Variants in CYTH1 observed in about 807,000 individuals in gnomAD.
CYTH1 encodes cytohesin-1.
A neutral mutation model predicts 61.8 loss-of-function variants in CYTH1; 18 were observed. The ratio of observed to expected loss-of-function variants is 0.29; its 90% CI spans 0.20 to 0.43. CYTH1 has a LOEUF of 0.43. Ranked by LOEUF, CYTH1 falls within the 20% of genes least tolerant of loss-of-function variation. The probability of loss-of-function intolerance (pLI) is 1.00; values close to 1 mark genes in which losing one functional copy is unlikely to be tolerated. For missense variants in CYTH1, 336 were observed against 510.5 expected, an observed-to-expected ratio of 0.66 and a Z score of 3.29; for synonymous variants, 174 against 184.3, an observed-to-expected ratio of 0.94 and a Z score of 0.45.
chr17:78,777,440 ATAAAT>A (rs1288028161), intron 1 of CYTH1, among the ~76,000 whole-genome samples: 1 of 152,142 alleles, frequency 6.6e-6, no homozygotes, highest in East Asian at 1.9e-4. Context: ...ATAAAAATAA[ATAAAT>A]TAAATAAATA....
intron 1 of CYTH1, among the ~76,000 whole-genome samples, chr17:78,761,673 G>A (rs1024641522): frequency 6.6e-6 from 1 of 152,154 alleles, no homozygotes; most frequent in Non-Finnish European, 1.5e-5. Context: ...GGGAGGCGGA[G>A]CTTGCAGTGA....
At chr17:78,748,851 C>G (rs760391263) in intron 1 of CYTH1, among the ~76,000 whole-genome samples, 1 of 152,152 alleles carries the variant, frequency 6.6e-6, no homozygotes, top group African/African-American at 2.4e-5. Context: ...TATATCACCC[C>G]TTCCTTGCAA....
intron 1 of CYTH1, among the ~76,000 whole-genome samples, chr17:78,740,986 A>C (rs957234806): frequency 4.6e-5 from 7 of 152,380 alleles, no homozygotes; most frequent in African/African-American, 1.7e-4. Flanking sequence ...GCCTCAGAGC[A>C]GTGTCTGAAC....
At chr17:78,708,122 C>G (rs371116998) in intron 3 of CYTH1, 75 bp downstream of exon 3, 2 of 1,459,162 alleles carry the variant, frequency 1.4e-6, no homozygotes, top group Middle Eastern at 1.7e-4. Flanking sequence ...CAATGTGCCA[C>G]GTAAGCATAA....
At chr17:78,764,497 T>C (rs2093440676) in intron 1 of CYTH1, among the ~76,000 whole-genome samples, 1 of 152,144 alleles carries the variant, frequency 6.6e-6, no homozygotes, top group Non-Finnish European at 1.5e-5. Flanking sequence ...CTGAAATCTC[T>C]GAATGCATAA....
intron 1 of CYTH1, among the ~76,000 whole-genome samples, chr17:78,769,021 C>T (rs1041804629): frequency 5.3e-5 from 8 of 151,924 alleles, no homozygotes; most frequent in African/African-American, 1.9e-4. Context: ...TGGCACATGC[C>T]TGTAATCACA....
At chr17:78,749,460 C>T (rs2093371264) in intron 1 of CYTH1, among the ~76,000 whole-genome samples, 1 of 151,664 alleles carries the variant, frequency 6.6e-6, no homozygotes, top group African/African-American at 2.4e-5. Context: ...ACTCCATCCC[C>T]CCTACAAAAA....
At chr17:78,731,643 A>G (rs1400100060) in intron 1 of CYTH1, among the ~76,000 whole-genome samples, 2 of 151,608 alleles carry the variant, frequency 1.3e-5, no homozygotes, top group Admixed American at 6.6e-5. Context: ...CTGTAGTCCC[A>G]GCTACTTGGG....
Position 78,746,234 on chromosome 17 carries a change from C to T in CYTH1, c.22+35968G>A, listed in dbSNP as rs369698624. ...AGGTATTGTTAAGTTTTAAATAAGA[C>T]GGTCAGAACAGGCATCACTGCAAAG... On this transcript the variant is annotated intron_variant, in intron 1 of 13. Transcript: ENST00000446868. Among the ~76,000 whole-genome samples, 138 of 152,240 alleles carry T rather than the reference C, an allele frequency of 9.1e-4. 1 individual carries two copies. Among genetic ancestry groups the T allele is most frequent in the African/African-American group, 2.7e-3 (113 of 41,556 alleles).
chr17:78,707,988 AT>A lies in CYTH1; in HGVS notation c.170+208del, dbSNP rs2093087026. On this transcript the variant is annotated intron_variant, in intron 3 of 13. Transcript: ENST00000446868. ...GCCACCGCGCCCGGCCTCCAGTTCAATTTTTTAAACACTGGAAGAAGCTCCT... is the reference window on the plus strand; with the variant it reads ...GCCACCGCGCCCGGCCTCCAGTTCAATTTTTAAACACTGGAAGAAGCTCCT... Among the ~76,000 whole-genome samples, 8 of 152,198 alleles carry A rather than the reference AT, an allele frequency of 5.3e-5. No homozygotes were observed. In the South Asian group the frequency reaches 1.7e-3, roughly 32 times the overall value.
chr17:78,684,435 A>T (rs532903661), intron 11 of CYTH1, among the ~76,000 whole-genome samples: 51 of 152,286 alleles, frequency 3.3e-4, no homozygotes, highest in South Asian at 1.5e-3. Context: ...GGCAGGCTGC[A>T]CCCCTCAGTG....
intron 1 of CYTH1, among the ~76,000 whole-genome samples, chr17:78,714,575 C>A (rs1267801532): frequency 6.6e-6 from 1 of 152,090 alleles, no homozygotes; most frequent in Non-Finnish European, 1.5e-5. Context: ...ATGAACGAAG[C>A]CAACTTTCTC....
At chr17:78,738,386 C>A (rs79450850) in intron 1 of CYTH1, among the ~76,000 whole-genome samples, 2,082 of 152,310 alleles carry the variant, frequency 0.014, 48 homozygotes, top group African/African-American at 0.046. Context: ...GCTGGACTCC[C>A]AAACCCCTCT....
intron 11 of CYTH1, among the ~76,000 whole-genome samples, chr17:78,682,377 T>G (rs1031598545): frequency 5.9e-5 from 9 of 152,230 alleles, no homozygotes; most frequent in African/African-American, 2.2e-4. Flanking sequence ...TTTTCATTTC[T>G]TGAAGTAATC....
rs144494784 is a variant in CYTH1 at position 78,721,788 on chromosome 17, A to C, written c.23-12056T>G. The stretch of plus-strand genomic sequence containing the variant: ...GCTGGGCGCAGTGGCTCACGCCTGT[A>C]ATCCCAGCACTTTGGAAGGCCGAGG... On this transcript the variant is annotated intron_variant, in intron 1 of 13. Coordinates refer to ENST00000446868, the MANE Select transcript of CYTH1 (RefSeq NM_004762.6). 3.9e-3 allele frequency among the ~76,000 whole-genome samples: 588 copies of C among 152,326 alleles called. 3 individuals are homozygous for C. Among genetic ancestry groups the C allele is most frequent in the African/African-American group, 0.013 (552 of 41,564 alleles).
At chr17:78,687,080 CTACAT>C (rs1467878644) in intron 11 of CYTH1, among the ~76,000 whole-genome samples, 30 of 152,116 alleles carry the variant, frequency 2.0e-4, no homozygotes, top group African/African-American at 6.5e-4. Context: ...CGCGCCCAGC[CTACAT>C]TACATTTATT....
chr17:78,729,335 T>G (rs527588225), intron 1 of CYTH1, among the ~76,000 whole-genome samples: 1 of 152,234 alleles, frequency 6.6e-6, no homozygotes, highest in Admixed American at 6.5e-5. Context: ...ATGAATACAA[T>G]GAGCAAAGGA....
Position 78,758,540 on chromosome 17 carries a change from A to G in CYTH1, c.22+23662T>C, listed in dbSNP as rs991571903. On this transcript the variant is annotated intron_variant, in intron 1 of 13. Transcript: ENST00000446868. Reference sequence around the variant, plus strand: ...ACAAACATGGAGAAACCCCGTCTCTACTAAAAATAAAAAATTAGCCGGGCA... The same window carrying G: ...ACAAACATGGAGAAACCCCGTCTCTGCTAAAAATAAAAAATTAGCCGGGCA... 1.0e-3 allele frequency among the ~76,000 whole-genome samples: 154 copies of G among 152,152 alleles called. 1 individual carries two copies. Among genetic ancestry groups the G allele is most frequent in the Admixed American group, 9.8e-4 (15 of 15,274 alleles).
chr17:78,771,179 C>A (rs1159414554), intron 1 of CYTH1, among the ~76,000 whole-genome samples: 1 of 152,180 alleles, frequency 6.6e-6, no homozygotes, highest in African/African-American at 2.4e-5. Context: ...AGGTAAACTG[C>A]CTGAACCTGG....
Sources: gnomAD v4.1 joint callset for allele counts (sites outside exome capture counted in the v4.1 genomes callset) on GRCh38, gnomAD v4.1.1 for gene constraint, MANE v1.5 for transcripts, NCBI Gene and HGNC (gene_info 2026-07-23, HGNC 2026-07-21) for gene names.